Variants in SEZ6L2 observed in about 807,000 individuals in gnomAD.
The protein encoded by SEZ6L2 is seizure related 6 homolog like 2, also known as seizure 6-like protein 2.
In SEZ6L2, 44 loss-of-function variants were observed where a neutral mutation model predicts 97.0. That is an observed-to-expected ratio of 0.45 (90% CI 0.36 to 0.58). The LOEUF (loss-of-function observed/expected upper bound fraction) is 0.58. Among genes scored for constraint, SEZ6L2 ranks in the 20% least tolerant of loss-of-function variants. The pLI is 0.00. For synonymous variants in SEZ6L2, 543 were observed against 546.1 expected (o/e 0.99, Z 0.08); for missense variants, 1,086 against 1,233.3 (o/e 0.88, Z 1.79).
chr16:29,896,197 C>A (rs1292923408), intron 3 of SEZ6L2, among the ~76,000 whole-genome samples: 1 of 152,216 alleles, frequency 6.6e-6, no homozygotes, highest in Non-Finnish European at 1.5e-5. Flanking sequence ...CTCCTGGCCT[C>A]AAGCGATCCT....
At position 29,890,737 on chromosome 16, in the gene SEZ6L2, C is replaced by T. The variant is rs2068253577; in HGVS notation, c.854-2012G>A. 2.7e-5 allele frequency among the ~76,000 whole-genome samples: 4 copies of T among 147,760 alleles called. No individual in the cohort carries two copies. The South Asian group carries it at 8.5e-4, about 31-fold the overall frequency. On this transcript the variant is annotated intron_variant, in intron 5 of 17. Coordinates refer to ENST00000617533, the MANE Select transcript of SEZ6L2 (RefSeq NM_001243332.2). ...TGCATGATTTTGTCATCACATTAACCATTGTCTTTTTTTTTTTTTTTTTTT... is the reference window on the plus strand; with the variant it reads ...TGCATGATTTTGTCATCACATTAACTATTGTCTTTTTTTTTTTTTTTTTTT...
intron 12 of SEZ6L2, among the ~76,000 whole-genome samples, chr16:29,875,301 G>A (rs2067879736): frequency 6.6e-6 from 1 of 152,222 alleles, no homozygotes; most frequent in African/African-American, 2.4e-5. Flanking sequence ...GGCAGAGCCG[G>A]AATCTGCCCA....
At chr16:29,895,520 C>G in intron 4 of SEZ6L2, 60 bp from the exon 5 acceptor site, 3 of 1,572,366 alleles carry the variant, frequency 1.9e-6, no homozygotes, top group Non-Finnish European at 2.6e-6. Flanking sequence ...ACTTCCAAAG[C>G]CCCTGTCCTG....
rs145984619 is a variant in SEZ6L2, at chr16:29,877,444, A to T, written c.1736T>A (p.Met579Lys). Residue 579 changes from methionine (M) to lysine (K), a missense_variant, in exon 11 of 18, where the codon ATG becomes AAG. This residue lies in a region of SEZ6L2 where 776 missense variants were observed against 794.7 expected (regional missense o/e 0.98). Coordinates refer to ENST00000617533, the MANE Select transcript of SEZ6L2 (RefSeq NM_001243332.2). ...ACCGTCCCCGTCGAACAGCGTCAGC[A>T]TGTCCCCTTCCCGCACATTCAATCT... ...VEILNVREGD[M>K]LTLFDGDGPS... 14 of 1,603,722 alleles carry T rather than the reference A, an allele frequency of 8.7e-6. No homozygotes were observed. Among genetic ancestry groups the T allele is most frequent in the Admixed American group, 1.7e-5 (1 of 58,322 alleles).
chr16:29,874,354 G>A (rs1310218666), intron 12 of SEZ6L2, among the ~76,000 whole-genome samples: 1 of 151,770 alleles, frequency 6.6e-6, no homozygotes, highest in African/African-American at 2.4e-5. Flanking sequence ...CTTTAGAGGG[G>A]GCCCAGCTCT....
intron 5 of SEZ6L2, among the ~76,000 whole-genome samples, chr16:29,894,724 T>G (rs772550319): frequency 2.0e-5 from 3 of 152,114 alleles, no homozygotes; most frequent in Non-Finnish European, 4.4e-5. Context: ...TGATAAACAT[T>G]TGTTGGATTC....
At position 29,871,504 on chromosome 16, in the gene SEZ6L2, G is replaced by A. The variant is rs1243255788; in HGVS notation, c.*195C>T. On this transcript the variant is annotated 3_prime_UTR_variant, in exon 18 of 18. Transcript: ENST00000617533. ...CCTCGTTTGGCAACTGAGAAGAGGC[G>A]GCTTTGGGCGGCAGGATGCTGGTTT... 1.1e-5 allele frequency: 7 copies of A among 635,696 alleles called. No homozygotes were observed. Among genetic ancestry groups the A allele is most frequent in the South Asian group, 3.7e-5 (2 of 54,276 alleles). The allele number at this position is 635,696 out of a possible 1,614,324, so 39.4% of individuals were successfully genotyped here. A position where few individuals can be genotyped will look rare whatever the true frequency, so the allele number is the denominator to read the frequency against.
chr16:29,898,883 G>T, intron 1 of SEZ6L2, 58 bp downstream of exon 1: 1 of 1,355,468 alleles, frequency 7.4e-7, no homozygotes. Flanking sequence ...AGAAAGGAGG[G>T]TGGAGGACCC....
At chr16:29,898,860 C>A in intron 1 of SEZ6L2, 81 bp downstream of exon 1, 2 of 1,111,564 alleles carry the variant, frequency 1.8e-6, no homozygotes, top group South Asian at 1.3e-5. Context: ...CTCGGAAGAC[C>A]CAGGATATTA....
chr16:29,884,758 A>G (rs1039772464), intron 8 of SEZ6L2, among the ~76,000 whole-genome samples: 1 of 148,444 alleles, frequency 6.7e-6, no homozygotes, highest in Non-Finnish European at 1.5e-5. Context: ...TACTAAAAAT[A>G]CAAAATTAGC....
At chr16:29,898,739 C>G (rs555963504) in intron 1 of SEZ6L2, among the ~76,000 whole-genome samples, 1 of 152,264 alleles carries the variant, frequency 6.6e-6, no homozygotes, top group East Asian at 1.9e-4. Flanking sequence ...AAGCTTCTCT[C>G]ATTCATTTCT....
At chr16:29,898,838 C>T in intron 1 of SEZ6L2, 103 bp downstream of exon 1, 1 of 896,826 alleles carries the variant, frequency 1.1e-6, no homozygotes, top group East Asian at 2.7e-5. Flanking sequence ...TGCCTCTCCC[C>T]TCCCCCATGT....
chr16:29,889,627 T>C lies in SEZ6L2; in HGVS notation c.854-902A>G, dbSNP rs1420072265. On this transcript the variant is annotated intron_variant, in intron 5 of 17. Transcript: ENST00000617533. ...CACTTGAAACTTCTTTTTTTTTTTT[T>C]TTTTTTTTTTTTTTTTTTGAGATAG... 5.7e-5 allele frequency among the ~76,000 whole-genome samples: 6 copies of C among 105,876 alleles called. No homozygotes were observed. In the East Asian group the frequency reaches 2.4e-3, roughly 42 times the overall value. The allele number at this position is 105,876 out of a possible 152,430, so 69.5% of individuals were successfully genotyped here.
chr16:29,880,161 T>C, intron 8 of SEZ6L2, 97 bp from the exon 9 acceptor site: 2 of 1,103,540 alleles, frequency 1.8e-6, no homozygotes, highest in Non-Finnish European at 1.3e-6. Flanking sequence ...CTTTGGCCAC[T>C]CACTGGGCTT....
intron 7 of SEZ6L2, among the ~76,000 whole-genome samples, chr16:29,886,841 G>T (rs1282423847): frequency 6.6e-6 from 1 of 152,086 alleles, no homozygotes; most frequent in African/African-American, 2.4e-5. Flanking sequence ...GAGGCACAAA[G>T]AAGTTAAGTG....
At chr16:29,893,136 C>A (rs571959078) in intron 5 of SEZ6L2, among the ~76,000 whole-genome samples, 2 of 151,846 alleles carry the variant, frequency 1.3e-5, no homozygotes, top group Non-Finnish European at 2.9e-5. Flanking sequence ...ACCAGCCTGA[C>A]CAACATGGAG....
rs747836155 is a variant in SEZ6L2, at chr16:29,873,554, C to T, written c.2280G>A (p.Arg760=). Residue 760 remains arginine, a synonymous_variant, in exon 13 of 18, where the codon AGG becomes AGA. Coordinates refer to ENST00000617533, the MANE Select transcript of SEZ6L2 (RefSeq NM_001243332.2). The surrounding 1 kb of genome is among the most constrained non-coding windows in gnomAD (Gnocchi z 4.3). ...CAGACTCACAGGCGCATTTGGGGAC[C>T]CTATCGCTCCACTTGGGTGTGCCTG... is the stretch of plus-strand genomic sequence containing the variant. ...RDTGTPKWSD[R]VPKCALKYEP... The T allele has an allele frequency of 1.5e-5, 24 of 1,614,160 alleles. No homozygotes were observed. The highest frequency in any genetic ancestry group is 1.9e-5 in the Non-Finnish European group (22 of 1,180,018).
chr16:29,899,009 G>C lies in SEZ6L2; in HGVS notation c.11C>G (p.Pro4Arg). Residue 4 changes from proline to arginine, a missense_variant, in exon 1 of 18, where the codon CCC becomes CGC. Physicochemically the swap from Pro to Arg is moderately radical, Grantham distance 103. This residue lies in a region of SEZ6L2 where 776 missense variants were observed against 794.7 expected (regional missense o/e 0.98). Coordinates refer to ENST00000617533, the MANE Select transcript of SEZ6L2 (RefSeq NM_001243332.2). ...GGGAGGCGGCGGGTGCTGGGCCCTG[G>C]GAGTCCCCATGGCGACTCACCCCGA... MGT[P>R]RAQHPPPPQL... is the part of the protein sequence containing the mutation. 6.2e-7 allele frequency: 1 copy of C among 1,610,040 alleles called. No individual in the cohort carries two copies. Among genetic ancestry groups the C allele is most frequent in the Middle Eastern group, 1.7e-4 (1 of 6,056 alleles).
rs869108927 is a variant in SEZ6L2, at chr16:29,889,614, C to CTTTTTTTTTT, written c.854-899_854-890dup. 8.5e-5 allele frequency among the ~76,000 whole-genome samples: 6 copies of CTTTTTTTTTT among 70,524 alleles called. 1 individual carries two copies. The highest frequency in any genetic ancestry group is 3.0e-4 in the East Asian group (1 of 3,280). 46.3% of individuals were successfully genotyped at this position (70,524 alleles called of 152,430 possible). On this transcript the variant is annotated intron_variant, in intron 5 of 17. Transcript: ENST00000617533. ...CATCCAGAAGAACCACTTGAAACTT[C>CTTTTTTTTTT]TTTTTTTTTTTTTTTTTTTTTTTTT...
Sources: gnomAD v4.1 joint callset for allele counts (sites outside exome capture counted in the v4.1 genomes callset) on GRCh38, gnomAD v4.1.1 for gene constraint, gnomAD v4.1.1 regional missense constraint, Gnocchi (gnomAD v3.1) non-coding constraint, MANE v1.5 for transcripts, NCBI Gene and HGNC (gene_info 2026-07-23, HGNC 2026-07-21) for gene names.